Variants in MLC1 observed in about 807,000 individuals in gnomAD.
MLC1 encodes the protein modulator of VRAC current 1.
A neutral mutation model predicts 44.7 loss-of-function variants in MLC1; 32 were observed. The ratio of observed to expected loss-of-function variants is 0.72; its 90% CI spans 0.54 to 0.96. MLC1 has a LOEUF of 0.96. Among genes scored for constraint, MLC1 ranks in the 40% least tolerant of loss-of-function variants. MLC1 has a pLI of 0.00. For synonymous variants in MLC1, 190 were observed against 213.0 expected (o/e 0.89, Z 0.94); for missense variants, 459 against 492.2 (o/e 0.93, Z 0.64).
rs1331947995 is a variant in MLC1, at chr22:50,077,505, G to T, written c.424-3C>A. On this transcript the variant is annotated splice_polypyrimidine_tract_variant and splice_region_variant and intron_variant, in intron 5 of 11. Transcript: ENST00000311597. Reference sequence around the variant, plus strand: ...AGCAGGATGAGGTTGAAGTTGATCTGCCAAGGGGCACACACGCTTCAGCAC... The same window carrying T: ...AGCAGGATGAGGTTGAAGTTGATCTTCCAAGGGGCACACACGCTTCAGCAC... 1 of 1,612,130 alleles carries T rather than the reference G, an allele frequency of 6.2e-7. No homozygotes were observed. The highest frequency in any genetic ancestry group is 8.5e-7 in the Non-Finnish European group (1 of 1,179,106).
intron 10 of MLC1, among the ~76,000 whole-genome samples, chr22:50,067,493 T>C (rs796808881): frequency 0.014 from 563 of 39,894 alleles, 24 homozygotes; most frequent in Admixed American, 0.02. Flanking sequence ...GCAGTGACTC[T>C]ATCCCCTGTC....
At position 50,083,323 on chromosome 22, in the gene MLC1, C is replaced by G. The variant is rs916497235; in HGVS notation, c.178-150G>C. The G allele has an allele frequency of 2.7e-6, 2 of 730,814 alleles. No individual in the cohort carries two copies. Among genetic ancestry groups the G allele is most frequent in the African/African-American group, 3.5e-5 (2 of 57,742 alleles). The allele number at this position is 730,814 out of a possible 1,614,324, so 45.3% of individuals were successfully genotyped here. On this transcript the variant is annotated intron_variant, in intron 2 of 11. Transcript: ENST00000311597. The surrounding 1 kb of genome is among the most constrained non-coding windows in gnomAD (Gnocchi z 4.6). ...CACCCGCACCTGGGACCCGCCCATC[C>G]TGGACTCCTCCTGTAGGACAGACGC...
intron 11 of MLC1, among the ~76,000 whole-genome samples, chr22:50,062,846 G>A (rs2061601304): frequency 6.6e-6 from 1 of 152,230 alleles, no homozygotes. Flanking sequence ...ACCAGGACCC[G>A]TAGCTCGGTG....
At chr22:50,080,289 CT>C (rs1455643273) in intron 4 of MLC1, 54 bp downstream of exon 4, 12 of 1,550,904 alleles carry the variant, frequency 7.7e-6, no homozygotes, top group East Asian at 4.7e-5. Context: ...GGCACACTGT[CT>C]GTCAGCCCCT....
chr22:50,084,823 C>A lies in MLC1; in HGVS notation c.80G>T (p.Ser27Ile), dbSNP rs2062240853. 6.2e-7 allele frequency: 1 copy of A among 1,613,910 alleles called. No homozygotes were observed. Among genetic ancestry groups the A allele is most frequent in the African/African-American group, 1.3e-5 (1 of 75,066 alleles). ...GCTCGGCTTCGCGTCTGGGGCATAGCTGGCGGGGTCTTGCCGGCCCCGCTC... is the reference window on the plus strand; with the variant it reads ...GCTCGGCTTCGCGTCTGGGGCATAGATGGCGGGGTCTTGCCGGCCCCGCTC... Reference protein sequence around the residue: ...TLERGRQDPASYAPDAKPSDL... With the variant: ...TLERGRQDPAIYAPDAKPSDL... The change falls in exon 2 of 12, where the codon AGC becomes ATC. Residue 27 changes from serine (S) to isoleucine (I), a missense_variant. By Grantham distance (142) the Ser-to-Ile change is moderately radical. Transcript: ENST00000311597.
In MLC1 at chr22:50,083,346, C is replaced by T. The variant is rs9617062; in HGVS notation, c.178-173G>A. Among the ~76,000 whole-genome samples the T allele has an allele frequency of 0.21, 32,492 of 151,908 alleles. 3,708 individuals carry two copies. The highest frequency in any genetic ancestry group is 0.31 in the South Asian group (1,501 of 4,802). On this transcript the variant is annotated intron_variant, in intron 2 of 11. Coordinates refer to ENST00000311597, the MANE Select transcript of MLC1 (RefSeq NM_015166.4). The surrounding 1 kb of genome is among the most constrained non-coding windows in gnomAD (Gnocchi z 4.6). ...TCCTGGACTCCTCCTGTAGGACAGA[C>T]GCAGCCCCGCCGCAGCCCAGGACAT...
intron 8 of MLC1, among the ~76,000 whole-genome samples, chr22:50,071,772 C>A (rs745992762): frequency 1.3e-5 from 2 of 152,218 alleles, no homozygotes; most frequent in Non-Finnish European, 2.9e-5. Context: ...GAGGAGCCTG[C>A]CTTAGTTCCG....
At position 50,083,194 on chromosome 22, in the gene MLC1, C is replaced by G. The variant is rs750886408; in HGVS notation, c.178-21G>C. 2 of 1,608,388 alleles carry G rather than the reference C, an allele frequency of 1.2e-6. No individual in the cohort carries two copies. The highest frequency in any genetic ancestry group is 1.7e-6 in the Non-Finnish European group (2 of 1,174,926). ...CAGCTCTGCAAGACAGCGACAGAAT[C>G]CCAGGTTACAACGCGCCCCGTCCCC... is the stretch of plus-strand genomic sequence containing the variant. On this transcript the variant is annotated intron_variant, in intron 2 of 11. Transcript: ENST00000311597. The surrounding 1 kb of genome is among the most constrained non-coding windows in gnomAD (Gnocchi z 4.6).
chr22:50,070,450 G>A lies in MLC1; in HGVS notation c.771+77C>T, dbSNP rs1346299652. 20 of 1,344,414 alleles carry A rather than the reference G, an allele frequency of 1.5e-5. No homozygotes were observed. In the Admixed American group the frequency reaches 3.9e-4, roughly 27 times the overall value. The allele number at this position is 1,344,414 out of a possible 1,614,324, so 83.3% of individuals were successfully genotyped here. On this transcript the variant is annotated intron_variant, in intron 9 of 11. Coordinates refer to ENST00000311597, the MANE Select transcript of MLC1 (RefSeq NM_015166.4). Reference sequence around the variant, plus strand: ...TCTTGGGCTGGAGCCTGGTCACATGGCACCAAGGGAGGGCTAGGCCAGGCC... The same window carrying A: ...TCTTGGGCTGGAGCCTGGTCACATGACACCAAGGGAGGGCTAGGCCAGGCC...
At chr22:50,073,373 G>A (rs1465486380) in intron 8 of MLC1, among the ~76,000 whole-genome samples, 1 of 152,244 alleles carries the variant, frequency 6.6e-6, no homozygotes, top group Non-Finnish European at 1.5e-5. Context: ...GTCTGCGTCC[G>A]GAGGCAGGTG....
At chr22:50,074,369 T>C in intron 7 of MLC1, 37 bp from the exon 8 acceptor site, 10 of 1,534,502 alleles carry the variant, frequency 6.5e-6, no homozygotes, top group Non-Finnish European at 9.0e-6. Flanking sequence ...CATAAGGAAG[T>C]GGAGACACCC....
chr22:50,085,182 C>T (rs1033081135), intron 1 of MLC1, 173 bp downstream of exon 1: 4 of 1,314,280 alleles, frequency 3.0e-6, no homozygotes, highest in Non-Finnish European at 3.9e-6. Flanking sequence ...CTTTAAATGC[C>T]TCATTGATCC....
chr22:50,071,030 G>A (rs922214616), intron 8 of MLC1, among the ~76,000 whole-genome samples: 1 of 152,112 alleles, frequency 6.6e-6, no homozygotes, highest in Non-Finnish European at 1.5e-5. Context: ...ACGTGGGGCC[G>A]ATGTGGTCCA....
At chr22:50,064,907 C>A (rs8137998) in intron 10 of MLC1, among the ~76,000 whole-genome samples, 22,099 of 152,094 alleles carry the variant, frequency 0.15, 1,723 homozygotes, top group East Asian at 0.18. Flanking sequence ...AGAAACAGAA[C>A]GAACAGCTCT....
chr22:50,076,331 GATC>G (rs983188883), intron 7 of MLC1, among the ~76,000 whole-genome samples: 1 of 152,152 alleles, frequency 6.6e-6, no homozygotes, highest in African/African-American at 2.4e-5. Context: ...TGGGTGGGTG[GATC>G]ACTTGAGGTC....
intron 8 of MLC1, among the ~76,000 whole-genome samples, chr22:50,071,344 G>A (rs575789972): frequency 5.9e-5 from 9 of 152,082 alleles, no homozygotes; most frequent in African/African-American, 1.2e-4. Flanking sequence ...CGCCCGCCTC[G>A]GCCTCCCAAA....
At chr22:50,084,052 G>T (rs569844457) in intron 2 of MLC1, among the ~76,000 whole-genome samples, 1 of 152,284 alleles carries the variant, frequency 6.6e-6, no homozygotes, top group Admixed American at 6.5e-5. Flanking sequence ...GCACAGGGAG[G>T]GGAGAAATCA....
chr22:50,061,869 G>C (rs566040891), intron 11 of MLC1, among the ~76,000 whole-genome samples: 1 of 152,032 alleles, frequency 6.6e-6, no homozygotes, highest in African/African-American at 2.4e-5. Flanking sequence ...ATCCCCCCCC[G>C]CACACACGGT....
intron 7 of MLC1, among the ~76,000 whole-genome samples, chr22:50,076,207 C>T (rs1441373196): frequency 6.6e-6 from 1 of 152,112 alleles, no homozygotes; most frequent in Non-Finnish European, 1.5e-5. Flanking sequence ...AATACAGTTA[C>T]GTGCTGCTTA....
Sources: allele counts gnomAD v4.1 joint callset (sites outside exome capture counted in the v4.1 genomes callset), GRCh38; gene constraint gnomAD v4.1.1; non-coding constraint Gnocchi (gnomAD v3.1); transcripts MANE v1.5; gene names NCBI Gene and HGNC (gene_info 2026-07-23, HGNC 2026-07-21).